The following GLRA3 variants were observed in gnomAD, a reference collection of about 807,000 sequenced individuals.
GLRA3 encodes glycine receptor alpha 3.
In GLRA3, 44 loss-of-function variants were observed where a neutral mutation model predicts 60.4. The ratio of observed to expected loss-of-function variants is 0.73; its 90% confidence interval spans 0.57 to 0.94. GLRA3 has a LOEUF of 0.94. Among genes scored for constraint, GLRA3 ranks in the 40% least tolerant of loss-of-function variants. The pLI is 0.00. For missense variants in GLRA3, 508 were observed against 564.6 expected, an observed-to-expected ratio of 0.90 and a Z score of 1.02; for synonymous variants, 223 against 192.9, an observed-to-expected ratio of 1.16 and a Z score of -1.29.
intron 1 of GLRA3, among the ~76,000 whole-genome samples, chr4:174,816,823 T>A (rs909625799): frequency 2.0e-5 from 3 of 152,200 alleles, no homozygotes; most frequent in Non-Finnish European, 4.4e-5. Flanking sequence ...GCATGCTTTA[T>A]ATTTTAATTT....
At chr4:174,759,858 A>G (rs1461997753) in intron 3 of GLRA3, among the ~76,000 whole-genome samples, 1 of 152,198 alleles carries the variant, frequency 6.6e-6, no homozygotes, top group African/African-American at 2.4e-5. Context: ...ATACAACTGT[A>G]CAAAACTCCA....
intron 4 of GLRA3, among the ~76,000 whole-genome samples, chr4:174,719,845 T>C (rs1343280176): frequency 6.6e-6 from 1 of 152,202 alleles, no homozygotes; most frequent in Admixed American, 6.5e-5. Flanking sequence ...ACATGCATTT[T>C]ATAGCATTGT....
At position 174,699,739 on chromosome 4, in the gene GLRA3, T is replaced by G. The variant is rs1424895038; in HGVS notation, c.574+15749A>C. On this transcript the variant is annotated intron_variant, in intron 5 of 9. Coordinates refer to ENST00000274093, the MANE Select transcript of GLRA3 (RefSeq NM_006529.4). ...AGGAACCAGAACTTCAAATTTGTAC[T>G]GTTTAAATTATCCTTATTTTAGAGA... is the stretch of plus-strand genomic sequence containing the variant. Among the ~76,000 whole-genome samples, 7 of 151,410 alleles carry G rather than the reference T, an allele frequency of 4.6e-5. No individual in the cohort carries two copies. The East Asian group carries it at 1.2e-3, about 25-fold the overall frequency.
At chr4:174,809,648 G>A (rs558182935) in intron 1 of GLRA3, among the ~76,000 whole-genome samples, 41 of 152,186 alleles carry the variant, frequency 2.7e-4, no homozygotes, top group Non-Finnish European at 3.8e-4. Context: ...TAAGATAATC[G>A]TTTGAACCCA....
chr4:174,706,186 C>T (rs1376968920), intron 5 of GLRA3, among the ~76,000 whole-genome samples: 2 of 151,510 alleles, frequency 1.3e-5, no homozygotes, highest in African/African-American at 4.9e-5. Flanking sequence ...GCCGAGTTCA[C>T]GCCACTGCAC....
Position 174,643,573 on chromosome 4 carries a change from A to G in GLRA3, c.*213T>C. The G allele has an allele frequency of 8.1e-7, 1 of 1,232,806 alleles. No homozygotes were observed. Among genetic ancestry groups the G allele is most frequent in the Admixed American group, 3.8e-5 (1 of 26,382 alleles). The allele number at this position is 1,232,806 out of a possible 1,614,324, so 76.4% of individuals were successfully genotyped here. A position where few individuals can be genotyped will look rare whatever the true frequency, so the allele number is the denominator to read the frequency against. ...ACAAATCACCTGGAATTAATATGAAATAGAATCCCCTAATAAATATTTTAT... is the reference window on the plus strand; with the variant it reads ...ACAAATCACCTGGAATTAATATGAAGTAGAATCCCCTAATAAATATTTTAT... On this transcript the variant is annotated 3_prime_UTR_variant, in exon 10 of 10. Transcript: ENST00000274093.
Position 174,642,845 on chromosome 4 carries a change from T to G in GLRA3, c.*941A>C. The G allele has an allele frequency of 2.7e-6, 2 of 733,882 alleles. No individual in the cohort carries two copies. The highest frequency in any genetic ancestry group is 3.3e-6 in the Non-Finnish European group (2 of 600,726). 45.5% of individuals were successfully genotyped at this position (733,882 alleles called of 1,614,324 possible). On this transcript the variant is annotated 3_prime_UTR_variant, in exon 10 of 10. Coordinates refer to ENST00000274093, the MANE Select transcript of GLRA3 (RefSeq NM_006529.4). ...ATTTTGTTTTCATTGTATTCATTTT[T>G]ATCAAAATGTAAATACTTTAATCCC...
In GLRA3 at chr4:174,788,830, C is replaced by A. The variant is rs777074307; in HGVS notation, c.185G>T (p.Arg62Ile). Residue 62 changes from arginine to isoleucine, a missense_variant, in exon 2 of 10, where the codon AGA becomes ATA. Coordinates refer to ENST00000274093, the MANE Select transcript of GLRA3 (RefSeq NM_006529.4). ...GRTSGYDARI[R>I]PNFKGPPVNV... ...AGAACAATTACCTTTAAAATTGGGTCTGATTCTTGCATCATATCCTGATGT... is the reference window on the plus strand; with the variant it reads ...AGAACAATTACCTTTAAAATTGGGTATGATTCTTGCATCATATCCTGATGT... 6.2e-7 allele frequency: 1 copy of A among 1,602,182 alleles called. No homozygotes were observed. The highest frequency in any genetic ancestry group is 8.5e-7 in the Non-Finnish European group (1 of 1,173,594).
chr4:174,810,773 C>T (rs1740235176), intron 1 of GLRA3, among the ~76,000 whole-genome samples: 1 of 152,114 alleles, frequency 6.6e-6, no homozygotes, highest in African/African-American at 2.4e-5. Context: ...ACAGTAGCAG[C>T]TTCATACACA....
At chr4:174,687,552 C>A (rs1206335067) in intron 5 of GLRA3, among the ~76,000 whole-genome samples, 2 of 152,108 alleles carry the variant, frequency 1.3e-5, no homozygotes, top group African/African-American at 4.8e-5. Context: ...AGACCATTTT[C>A]TCAAAGATGA....
chr4:174,775,852 T>C (rs891244741), intron 2 of GLRA3, among the ~76,000 whole-genome samples: 3 of 151,372 alleles, frequency 2.0e-5, no homozygotes, highest in African/African-American at 7.3e-5. Flanking sequence ...CATAATAAAA[T>C]TTTAGTGAGA....
chr4:174,647,755 C>T (rs1283263838), intron 9 of GLRA3, among the ~76,000 whole-genome samples: 1 of 152,114 alleles, frequency 6.6e-6, no homozygotes, highest in Non-Finnish European at 1.5e-5. Context: ...TTCCCAATAT[C>T]TTTTCAACAC....
chr4:174,701,710 A>T (rs1579471597), intron 5 of GLRA3, among the ~76,000 whole-genome samples: 2 of 152,228 alleles, frequency 1.3e-5, no homozygotes, highest in Non-Finnish European at 2.9e-5. Context: ...CAACATTAAC[A>T]GGAATTTGGA....
intron 2 of GLRA3, among the ~76,000 whole-genome samples, chr4:174,769,655 T>G (rs940316197): frequency 3.9e-5 from 6 of 152,018 alleles, no homozygotes; most frequent in African/African-American, 1.4e-4. Flanking sequence ...AGGAATTACT[T>G]CCATAGCTTT....
rs575678854 is a variant in GLRA3 at position 174,706,022 on chromosome 4, A to AG, written c.574+9465_574+9466insC. Among the ~76,000 whole-genome samples, 590 of 152,170 alleles carry AG rather than the reference A, an allele frequency of 3.9e-3. 2 individuals carry two copies. The highest frequency in any genetic ancestry group is 0.013 in the African/African-American group (540 of 41,532). On this transcript the variant is annotated intron_variant, in intron 5 of 9. Transcript: ENST00000274093. ...AAGGTGGGTGGATCACAAGGTCAGG[A>AG]ATCCAGACCATCCTGTGTAACATGG...
At chr4:174,822,670 T>A (rs1740786744) in intron 1 of GLRA3, among the ~76,000 whole-genome samples, 1 of 152,200 alleles carries the variant, frequency 6.6e-6, no homozygotes, top group South Asian at 2.1e-4. Context: ...TTGTATAATA[T>A]TATCAGAAAT....
At chr4:174,706,092 T>C (rs534536929) in intron 5 of GLRA3, among the ~76,000 whole-genome samples, 4 of 152,066 alleles carry the variant, frequency 2.6e-5, no homozygotes, top group Admixed American at 6.5e-5. Context: ...TAGCCGGGCG[T>C]GGTGGCGGGC....
At chr4:174,689,479 A>G (rs1734697022) in intron 5 of GLRA3, among the ~76,000 whole-genome samples, 2 of 152,136 alleles carry the variant, frequency 1.3e-5, no homozygotes, top group Admixed American at 6.5e-5. Context: ...ACATGCATAG[A>G]TTGCATAGCA....
chr4:174,677,633 T>A (rs1162945162), intron 6 of GLRA3, among the ~76,000 whole-genome samples: 2 of 152,064 alleles, frequency 1.3e-5, no homozygotes, highest in East Asian at 3.8e-4. Flanking sequence ...GTGTTGGGAT[T>A]ACAGGTGGGA....
Sources: allele counts gnomAD v4.1 joint callset (sites outside exome capture counted in the v4.1 genomes callset), GRCh38; gene constraint gnomAD v4.1.1; transcripts MANE v1.5; gene names NCBI Gene and HGNC (gene_info 2026-07-23, HGNC 2026-07-21).